Variants in SYNE2 observed in about 807,000 individuals in gnomAD.
SYNE2 encodes the protein spectrin repeat containing nuclear envelope protein 2.
In SYNE2, 431 loss-of-function variants were observed where a neutral mutation model predicts 856.3. That is an observed-to-expected ratio of 0.50 (90% CI 0.47 to 0.55). The LOEUF (loss-of-function observed/expected upper bound fraction) is 0.55. Ranked by LOEUF, SYNE2 falls within the 20% of genes least tolerant of loss-of-function variation. The probability of loss-of-function intolerance (pLI) is 0.00; values close to 1 mark genes in which losing one functional copy is unlikely to be tolerated. For synonymous variants in SYNE2, 2,923 were observed against 2,872.3 expected (o/e 1.02, Z -0.56); for missense variants, 8,129 against 8,023.2 (o/e 1.01, Z -0.50).
intron 1 of SYNE2, among the ~76,000 whole-genome samples, chr14:63,836,744 C>G (rs1252885995): frequency 6.6e-6 from 1 of 152,174 alleles, no homozygotes; most frequent in Non-Finnish European, 1.5e-5. Flanking sequence ...CTTTGCCTCT[C>G]CTTTCTCCCC....
chr14:64,198,076 C>T (rs1438821411), intron 99 of SYNE2, among the ~76,000 whole-genome samples: 1 of 152,198 alleles, frequency 6.6e-6, no homozygotes. Flanking sequence ...TTCTGATTCT[C>T]ATAACTGGAA....
chr14:63,881,811 G>T lies in SYNE2; in HGVS notation c.-51-27287G>T, dbSNP rs74903257. 1.1e-3 allele frequency among the ~76,000 whole-genome samples: 171 copies of T among 152,202 alleles called. 2 individuals carry two copies. In the South Asian group the frequency reaches 0.016, roughly 15 times the overall value. On this transcript the variant is annotated intron_variant, in intron 1 of 115. Coordinates refer to ENST00000555002, the MANE Select transcript of SYNE2 (RefSeq NM_182914.3). ...TTAGTACTATGGCATTGCAGAAACC[G>T]TTAGAACAATGGCACTATTACTGAT...
In SYNE2 at chr14:64,026,742, G is replaced by A. The variant is rs533746144; in HGVS notation, c.6404+12G>A. 3 of 1,599,810 alleles carry A rather than the reference G, an allele frequency of 1.9e-6. No individual in the cohort carries two copies. In the African/African-American group the frequency reaches 4.0e-5, roughly 21 times the overall value. On this transcript the variant is annotated intron_variant, in intron 42 of 115. Transcript: ENST00000555002. Reference sequence around the variant, plus strand: ...AGCACCTACCTAAGGTAAAGGGCATGCCTGCACCACTTGCATCATATCCCA... The same window carrying A: ...AGCACCTACCTAAGGTAAAGGGCATACCTGCACCACTTGCATCATATCCCA...
intron 80 of SYNE2, among the ~76,000 whole-genome samples, chr14:64,140,525 A>G (rs1317988242): frequency 1.3e-5 from 2 of 152,168 alleles, no homozygotes; most frequent in Non-Finnish European, 2.9e-5. Flanking sequence ...GGAGGTTGCA[A>G]TGAGCTGAGA....
rs540618925 is a variant in SYNE2 at position 64,170,292 on chromosome 14, C to A, written c.17065C>A (p.Arg5689=). 3 of 1,614,078 alleles carry A rather than the reference C, an allele frequency of 1.9e-6. No individual in the cohort carries two copies. The highest frequency in any genetic ancestry group is 2.7e-5 in the African/African-American group (2 of 75,024). The part of the protein sequence containing the change: ...DRWQNAVQGV[R]QRKGDVDGLV... Reference sequence around the variant, plus strand: ...GTGGCAGAATGCTGTCCAGGGTGTTCGGCAGAGGAAGGGTGACGTTGATGG... The same window carrying A: ...GTGGCAGAATGCTGTCCAGGGTGTTAGGCAGAGGAAGGGTGACGTTGATGG... The change falls in exon 94 of 116, where the codon CGG becomes AGG. Residue 5689 remains arginine (R), a synonymous_variant. Transcript: ENST00000555002.
At chr14:63,872,761 CAAAA>C (rs36125169) in intron 1 of SYNE2, among the ~76,000 whole-genome samples, 3 of 87,766 alleles carry the variant, frequency 3.4e-5, no homozygotes, top group African/African-American at 4.6e-5. Flanking sequence ...GACTCTGCCT[CAAAA>C]AAAAAAAAAA....
At chr14:63,907,157 A>G (rs1299769564) in intron 1 of SYNE2, among the ~76,000 whole-genome samples, 1 of 152,168 alleles carries the variant, frequency 6.6e-6, no homozygotes, top group Non-Finnish European at 1.5e-5. Flanking sequence ...CTCTCAGAGT[A>G]CCTTCTGTAC....
chr14:63,964,790 C>T (rs911127770), intron 10 of SYNE2, among the ~76,000 whole-genome samples: 1 of 152,026 alleles, frequency 6.6e-6, no homozygotes, highest in Non-Finnish European at 1.5e-5. Context: ...TCCCAAAGTG[C>T]TGGGATTACA....
chr14:64,011,530 G>A (rs1316887686), intron 32 of SYNE2, among the ~76,000 whole-genome samples: 1 of 152,158 alleles, frequency 6.6e-6, no homozygotes. Context: ...CCCGATAGCA[G>A]TCTCCTACCT....
intron 1 of SYNE2, among the ~76,000 whole-genome samples, chr14:63,839,164 G>A (rs752399267): frequency 2.6e-5 from 4 of 151,960 alleles, no homozygotes; most frequent in African/African-American, 4.8e-5. Flanking sequence ...CGAGTAGCTG[G>A]GACTACAGTC....
Position 64,002,048 on chromosome 14 carries a change from C to T in SYNE2, c.3753C>T (p.Leu1251=). The stretch of plus-strand genomic sequence containing the variant: ...AAATGGCCATCCAGGGATTTCATCT[C>T]ATTGATGCTGATCGCATCTATCAAC... ...LHKMAIQGFH[L]IDADRIYQHL... Residue 1251 remains leucine (L), a synonymous_variant, in exon 29 of 116, where the codon CTC becomes CTT. Transcript: ENST00000555002. 2 of 1,613,548 alleles carry T rather than the reference C, an allele frequency of 1.2e-6. No homozygotes were observed. The highest frequency in any genetic ancestry group is 1.1e-5 in the South Asian group (1 of 91,070).
Position 63,983,722 on chromosome 14 carries a change from A to G in SYNE2, c.2002-15A>G, listed in dbSNP as rs771030583. On this transcript the variant is annotated splice_polypyrimidine_tract_variant and intron_variant, in intron 17 of 115. Transcript: ENST00000555002. ...AAAATATGAGTATTACATTTCATGA[A>G]ATTATTTTGTATAGGAAATGAACCT... The G allele has an allele frequency of 3.7e-6, 6 of 1,605,854 alleles. No individual in the cohort carries two copies. Among genetic ancestry groups the G allele is most frequent in the Non-Finnish European group, 1.7e-6 (2 of 1,173,394 alleles).
intron 108 of SYNE2, among the ~76,000 whole-genome samples, chr14:64,218,071 T>C (rs2098675375): frequency 6.6e-6 from 1 of 152,222 alleles, no homozygotes; most frequent in South Asian, 2.1e-4. Context: ...TCTGGTAAGC[T>C]CAACAAATTG....
At chr14:64,162,477 G>T (rs891337967) in intron 88 of SYNE2, 1 of 643,706 alleles carries the variant, frequency 1.6e-6, no homozygotes, top group African/African-American at 1.8e-5. Flanking sequence ...CAAATAGCTG[G>T]ATCAGGGGGA....
At chr14:64,042,469 TG>T (rs1415367927) in intron 45 of SYNE2, among the ~76,000 whole-genome samples, 2 of 152,238 alleles carry the variant, frequency 1.3e-5, no homozygotes, top group African/African-American at 2.4e-5. Context: ...GGTTTGGCTG[TG>T]TCCCCACCCA....
At chr14:64,151,511 C>CAA (rs201140500) in intron 84 of SYNE2, among the ~76,000 whole-genome samples, 1 of 16,462 alleles carries the variant, frequency 6.1e-5, no homozygotes, top group Non-Finnish European at 1.2e-4. Flanking sequence ...AAGCAATTTT[C>CAA]AAAAAAAAAA....
chr14:63,837,479 A>C (rs1331737823), intron 1 of SYNE2, among the ~76,000 whole-genome samples: 2 of 152,234 alleles, frequency 1.3e-5, no homozygotes, highest in Non-Finnish European at 2.9e-5. Flanking sequence ...TTTGTACTTC[A>C]AAGGACATCA....
chr14:63,807,805 C>G (rs1888421511), intron 1 of SYNE2, among the ~76,000 whole-genome samples: 2 of 83,266 alleles, frequency 2.4e-5, no homozygotes, highest in South Asian at 4.6e-4. Flanking sequence ...CAGGCATGAA[C>G]TACTACTCCA....
Position 64,048,134 on chromosome 14 carries a change from T to G in SYNE2, c.7356T>G (p.Asn2452Lys). ...TAGAATTAGATACTATGTTAAGAAA[T>G]GAACAATTAGAAGAGATAGAGGTAT... ...QPLELDTMLR[N>K]EQLEEIEKLY... Residue 2452 changes from asparagine (N) to lysine (K), a missense_variant, in exon 46 of 116, where the codon AAT (asparagine) becomes AAG (lysine). Around this residue, in one of 3 missense-constraint regions of SYNE2, gnomAD observed 5,410 missense variants for 5,284.8 expected, o/e 1.02. Transcript: ENST00000555002. The G allele has an allele frequency of 6.2e-7, 1 of 1,613,306 alleles. No individual in the cohort carries two copies. The highest frequency in any genetic ancestry group is 8.5e-7 in the Non-Finnish European group (1 of 1,179,600).
Sources: gnomAD v4.1 joint callset for allele counts (sites outside exome capture counted in the v4.1 genomes callset) on GRCh38, gnomAD v4.1.1 for gene constraint, gnomAD v4.1.1 regional missense constraint, MANE v1.5 for transcripts, NCBI Gene and HGNC (gene_info 2026-07-23, HGNC 2026-07-21) for gene names.